Variants in SAMD12 observed in about 807,000 individuals in gnomAD.
SAMD12 encodes the protein sterile alpha motif domain containing 12, also known as sterile alpha motif domain-containing protein 12.
SAMD12 carries 9 observed loss-of-function variants against 15.0 expected under a neutral mutation model. That is an observed-to-expected ratio of 0.60 (90% CI 0.36 to 1.05). SAMD12 has a LOEUF of 1.05. Ranked by LOEUF, SAMD12 falls within the 50% of genes least tolerant of loss-of-function variation. The pLI, the probability that SAMD12 is intolerant of heterozygous loss-of-function variation, is 0.01. For synonymous variants in SAMD12, 86 were observed against 90.1 expected, an observed-to-expected ratio of 0.96 and a Z score of 0.25; for missense variants, 230 against 234.2, an observed-to-expected ratio of 0.98 and a Z score of 0.12.
chr8:118,417,277 T>C (rs749924178), intron 3 of SAMD12, among the ~76,000 whole-genome samples: 21 of 152,060 alleles, frequency 1.4e-4, no homozygotes, highest in Non-Finnish European at 2.9e-4. Context: ...AGAGACAGGG[T>C]CTCATTATGT....
intron 1 of SAMD12, among the ~76,000 whole-genome samples, chr8:118,581,632 T>G (rs72678164): frequency 0.067 from 10,128 of 152,242 alleles, 488 homozygotes; most frequent in Non-Finnish European, 0.1. Context: ...TAAAGCTGAT[T>G]TTCTGGGGAT....
At chr8:118,401,186 T>C (rs1820851093) in intron 3 of SAMD12, among the ~76,000 whole-genome samples, 1 of 152,240 alleles carries the variant, frequency 6.6e-6, no homozygotes, top group Admixed American at 6.5e-5. Context: ...ATCTTGCTTC[T>C]AATGAAAAGA....
intron 4 of SAMD12, among the ~76,000 whole-genome samples, chr8:118,260,847 G>A (rs1011125992): frequency 7.2e-5 from 11 of 152,114 alleles, no homozygotes; most frequent in Admixed American, 3.9e-4. Context: ...ACAGCTCCCC[G>A]CTGTTATGAC....
intron 2 of SAMD12, among the ~76,000 whole-genome samples, chr8:118,560,009 T>C (rs1826659666): frequency 1.4e-5 from 2 of 144,948 alleles, no homozygotes; most frequent in Non-Finnish European, 2.9e-5. Context: ...TTGGGAGTCA[T>C]TATGTATATT....
At chr8:118,527,615 T>C (rs1252419673) in intron 2 of SAMD12, among the ~76,000 whole-genome samples, 3 of 152,224 alleles carry the variant, frequency 2.0e-5, no homozygotes, top group Non-Finnish European at 4.4e-5. Flanking sequence ...ATAGCAGCTA[T>C]CTTTGCCTAT....
At chr8:118,401,677 G>C (rs1194448439) in intron 3 of SAMD12, among the ~76,000 whole-genome samples, 1 of 151,750 alleles carries the variant, frequency 6.6e-6, no homozygotes, top group Non-Finnish European at 1.5e-5. Flanking sequence ...GTCCAGCCAA[G>C]GGCTTCATGT....
chr8:118,165,687 A>G, the SAMD12 span, among the ~76,000 whole-genome samples: 1 of 145,364 alleles, frequency 6.9e-6, no homozygotes, highest in South Asian at 2.2e-4. Flanking sequence ...GTGGCATAGC[A>G]GTGAAAAGTA....
chr8:118,452,873 T>C (rs1246592759), intron 2 of SAMD12, among the ~76,000 whole-genome samples: 1 of 152,198 alleles, frequency 6.6e-6, no homozygotes, highest in Admixed American at 6.5e-5. Flanking sequence ...TTTCCAGGGG[T>C]AACCTCTTAG....
At chr8:118,180,103 A>G in the SAMD12 span, among the ~76,000 whole-genome samples, 1 of 152,182 alleles carries the variant, frequency 6.6e-6, no homozygotes, top group Non-Finnish European at 1.5e-5. Context: ...GGCTCCTGAG[A>G]GGAGGTCAGG....
chr8:118,502,612 T>C (rs1408603352), intron 2 of SAMD12, among the ~76,000 whole-genome samples: 1 of 152,184 alleles, frequency 6.6e-6, no homozygotes, highest in Non-Finnish European at 1.5e-5. Context: ...GAAGAGCACA[T>C]TTTCATTACA....
At chr8:118,422,858 C>T (rs527681662) in intron 3 of SAMD12, among the ~76,000 whole-genome samples, 3 of 152,034 alleles carry the variant, frequency 2.0e-5, no homozygotes, top group Non-Finnish European at 4.4e-5. Context: ...ATTCTGAAGA[C>T]CCAGAGGAGA....
chr8:118,401,949 T>C (rs1434390853), intron 3 of SAMD12, among the ~76,000 whole-genome samples: 1 of 152,242 alleles, frequency 6.6e-6, no homozygotes, highest in Non-Finnish European at 1.5e-5. Flanking sequence ...TGAGCTTACT[T>C]GAGGGTGATT....
At chr8:118,165,115 C>G in the SAMD12 span, among the ~76,000 whole-genome samples, 2 of 151,986 alleles carry the variant, frequency 1.3e-5, no homozygotes, top group Non-Finnish European at 2.9e-5. Flanking sequence ...GTTAAGGGCT[C>G]ACAACCAAGA....
the SAMD12 span, among the ~76,000 whole-genome samples, chr8:118,154,724 C>T: frequency 1.3e-5 from 2 of 152,056 alleles, no homozygotes; most frequent in Non-Finnish European, 1.5e-5. Context: ...CATCCTATGG[C>T]CCAGCACTGC....
intron 4 of SAMD12, among the ~76,000 whole-genome samples, chr8:118,308,278 C>T (rs1207376076): frequency 6.6e-6 from 1 of 152,200 alleles, no homozygotes; most frequent in Non-Finnish European, 1.5e-5. Context: ...TACACCCCCT[C>T]ATTTCACCTT....
At chr8:118,487,275 A>T (rs1183283075) in intron 2 of SAMD12, among the ~76,000 whole-genome samples, 1 of 152,216 alleles carries the variant, frequency 6.6e-6, no homozygotes, top group Admixed American at 6.5e-5. Flanking sequence ...GGCACATAAT[A>T]TAAGACTTGA....
At chr8:118,500,369 C>T (rs1270684896) in intron 2 of SAMD12, among the ~76,000 whole-genome samples, 5 of 151,382 alleles carry the variant, frequency 3.3e-5, no homozygotes, top group East Asian at 2.0e-4. Flanking sequence ...TGAGCCACTG[C>T]GCCCGGCATG....
At chr8:118,529,643 A>G (rs1825631169) in intron 2 of SAMD12, among the ~76,000 whole-genome samples, 1 of 152,172 alleles carries the variant, frequency 6.6e-6, no homozygotes, top group Non-Finnish European at 1.5e-5. Context: ...GAGAACATGC[A>G]GTGTTTTGAC....
At chr8:118,374,302 T>C (rs1454831801), downstream of SAMD12, among the ~76,000 whole-genome samples, 1 of 152,132 alleles carries the variant, frequency 6.6e-6, no homozygotes, top group Admixed American at 6.6e-5. Context: ...TCATGCAGCA[T>C]GTGGTCGGAT....
Sources: allele counts gnomAD v4.1 joint callset (sites outside exome capture counted in the v4.1 genomes callset), GRCh38; gene constraint gnomAD v4.1.1; transcripts MANE v1.5; gene names NCBI Gene and HGNC (gene_info 2026-07-23, HGNC 2026-07-21).